Variants in SH3RF1 observed in about 807,000 individuals in gnomAD.
The protein encoded by SH3RF1 is E3 ubiquitin-protein ligase SH3RF1.
A neutral mutation model predicts 74.0 loss-of-function variants in SH3RF1; 32 were observed. The observed-to-expected ratio is 0.43, with a 90% CI of 0.33 to 0.58. The LOEUF is 0.58. Among genes scored for constraint, SH3RF1 ranks in the 20% least tolerant of loss-of-function variants. The pLI is 0.05. For missense variants in SH3RF1, 954 were observed against 1,130.9 expected (o/e 0.84, Z 2.24); for synonymous variants, 396 against 439.6 (o/e 0.90, Z 1.24).
Position 169,172,407 on chromosome 4 carries a change from C to A in SH3RF1, c.394-15728G>T, listed in dbSNP as rs146592218. 2.4e-3 allele frequency among the ~76,000 whole-genome samples: 365 copies of A among 152,302 alleles called. 4 individuals are homozygous for A. The highest frequency in any genetic ancestry group is 8.5e-3 in the African/African-American group (353 of 41,556). On this transcript the variant is annotated intron_variant, in intron 2 of 11. Coordinates refer to ENST00000284637, the MANE Select transcript of SH3RF1 (RefSeq NM_020870.4). ...ATATCTTCGTTTTACTTCCTTTCTT[C>A]TTCCTTTATCATGTAACATGAGATT...
intron 2 of SH3RF1, among the ~76,000 whole-genome samples, chr4:169,228,813 C>T (rs945873190): frequency 9.9e-5 from 15 of 152,064 alleles, no homozygotes; most frequent in African/African-American, 3.1e-4. Context: ...ACACCCATAC[C>T]CAAAAGTTTT....
chr4:169,260,345 T>C (rs115189411), intron 2 of SH3RF1, among the ~76,000 whole-genome samples: 1,559 of 152,250 alleles, frequency 0.01, 28 homozygotes, highest in African/African-American at 0.036. Context: ...GAAGGACTGC[T>C]TTCCTGCTCC....
At chr4:169,248,403 T>C (rs1963264) in intron 2 of SH3RF1, among the ~76,000 whole-genome samples, 145,640 of 152,206 alleles carry the variant, frequency 0.96, 69,999 homozygotes, top group East Asian at 1. Context: ...AACCAAACAC[T>C]GCATGTTCTC....
At chr4:169,130,203 A>C in intron 5 of SH3RF1, 47 bp from the exon 6 acceptor site, 1 of 1,285,010 alleles carries the variant, frequency 7.8e-7, no homozygotes, top group East Asian at 2.7e-5. Context: ...TGTTTAATAC[A>C]ACAGAATATA....
intron 5 of SH3RF1, among the ~76,000 whole-genome samples, chr4:169,130,866 G>T (rs768926091): frequency 6.6e-6 from 1 of 152,200 alleles, no homozygotes; most frequent in Non-Finnish European, 1.5e-5. Context: ...TTGCATAGCA[G>T]GTCCAACTGC....
At chr4:169,261,610 A>C (rs1315073418) in intron 2 of SH3RF1, among the ~76,000 whole-genome samples, 1 of 152,192 alleles carries the variant, frequency 6.6e-6, no homozygotes, top group Non-Finnish European at 1.5e-5. Context: ...ATCTCAAAAA[A>C]AAAAAAAAGA....
In SH3RF1 at chr4:169,096,569, G is replaced by A. The variant is rs370231425; in HGVS notation, c.2617C>T (p.Arg873Cys). 2.0e-5 allele frequency: 33 copies of A among 1,614,032 alleles called. No individual in the cohort carries two copies. Among genetic ancestry groups the A allele is most frequent in the South Asian group, 1.1e-4 (10 of 91,072 alleles). ...EDGWFKGTLQ[R>C]NGKTGLFPGS... ...GGGAAAAGGCCAGTTTTCCCATTAC[G>A]TTGTAATGTGCCTTTGAACCAGCCA... is the stretch of plus-strand genomic sequence containing the variant. Residue 873 changes from arginine (R) to cysteine (C), a missense_variant, in exon 12 of 12, where the codon CGT becomes TGT. By Grantham distance (180) the Arg-to-Cys change is radical. Around this residue, in one of 3 missense-constraint regions of SH3RF1, gnomAD observed 36 missense variants for 66.5 expected, o/e 0.54. Transcript: ENST00000284637.
intron 5 of SH3RF1, among the ~76,000 whole-genome samples, chr4:169,132,219 A>G (rs1733631066): frequency 6.6e-6 from 1 of 152,142 alleles, no homozygotes; most frequent in South Asian, 2.1e-4. Context: ...CCAAAATACA[A>G]CTTCCTGGGC....
At chr4:169,179,959 A>C (rs1353517909) in intron 2 of SH3RF1, among the ~76,000 whole-genome samples, 1 of 152,210 alleles carries the variant, frequency 6.6e-6, no homozygotes, top group Non-Finnish European at 1.5e-5. Context: ...CCATTCTGCA[A>C]CAAGCTTTCT....
chr4:169,168,125 G>A (rs1018129257), intron 2 of SH3RF1, among the ~76,000 whole-genome samples: 8 of 152,290 alleles, frequency 5.3e-5, no homozygotes, highest in Admixed American at 4.6e-4. Context: ...GGGCAACAGA[G>A]TGAGACCTCA....
intron 9 of SH3RF1, 138 bp from the exon 10 acceptor site, chr4:169,116,768 G>A (rs1004154798): frequency 2.8e-5 from 34 of 1,209,202 alleles, no homozygotes; most frequent in South Asian, 7.9e-5. Flanking sequence ...TGGGATGGAC[G>A]GTGGCCTAAA....
intron 2 of SH3RF1, among the ~76,000 whole-genome samples, chr4:169,260,758 G>C (rs1166161081): frequency 6.6e-6 from 1 of 152,150 alleles, no homozygotes; most frequent in Non-Finnish European, 1.5e-5. Flanking sequence ...TGGGACGGGT[G>C]GGGGATCAGG....
chr4:169,270,260 G>A (rs891050856), intron 1 of SH3RF1, among the ~76,000 whole-genome samples: 1 of 152,098 alleles, frequency 6.6e-6, no homozygotes, highest in Non-Finnish European at 1.5e-5. Context: ...CCAAGCACAG[G>A]TACTCCCAAG....
chr4:169,168,280 G>C (rs1252105285), intron 2 of SH3RF1, among the ~76,000 whole-genome samples: 2 of 152,110 alleles, frequency 1.3e-5, no homozygotes, highest in African/African-American at 4.8e-5. Context: ...TTTTCCAAAA[G>C]GAAATTACAG....
intron 2 of SH3RF1, among the ~76,000 whole-genome samples, chr4:169,254,875 G>A (rs1731161259): frequency 1.3e-5 from 2 of 152,184 alleles, no homozygotes; most frequent in East Asian, 1.9e-4. Flanking sequence ...TGGGTCCTAT[G>A]AGGACATGTA....
chr4:169,225,761 G>C (rs1730646381), intron 2 of SH3RF1, among the ~76,000 whole-genome samples: 1 of 152,186 alleles, frequency 6.6e-6, no homozygotes, highest in Non-Finnish European at 1.5e-5. Context: ...AGGGTAGGTT[G>C]GGTGAGTGTG....
At chr4:169,214,656 T>TC (rs1730434324) in intron 2 of SH3RF1, among the ~76,000 whole-genome samples, 1 of 152,222 alleles carries the variant, frequency 6.6e-6, no homozygotes, top group Admixed American at 6.5e-5. Context: ...GCTTTATAGC[T>TC]ATAAGTATAT....
chr4:169,153,649 C>T (rs1734007195), intron 4 of SH3RF1, among the ~76,000 whole-genome samples: 1 of 152,182 alleles, frequency 6.6e-6, no homozygotes, highest in Middle Eastern at 3.2e-3. Context: ...CTAGGTGTCA[C>T]TAATCCCTAG....
intron 2 of SH3RF1, among the ~76,000 whole-genome samples, chr4:169,200,058 A>G (rs1390982742): frequency 1.3e-5 from 2 of 152,190 alleles, no homozygotes; most frequent in East Asian, 1.9e-4. Context: ...TCCATCCAAA[A>G]AAAAGGAATA....
Sources: gnomAD v4.1 joint callset for allele counts (sites outside exome capture counted in the v4.1 genomes callset) on GRCh38, gnomAD v4.1.1 for gene constraint, gnomAD v4.1.1 regional missense constraint, MANE v1.5 for transcripts, NCBI Gene and HGNC (gene_info 2026-07-23, HGNC 2026-07-21) for gene names.